The following ESRRB variants were observed in gnomAD, a reference collection of about 807,000 sequenced individuals.
ESRRB encodes steroid hormone receptor ERR2.
Under a neutral mutation model 46.0 loss-of-function variants are expected in ESRRB, and 16 were observed. The ratio of observed to expected loss-of-function variants is 0.35; its 90% CI spans 0.24 to 0.53. The LOEUF (loss-of-function observed/expected upper bound fraction) is 0.53. ESRRB is among the 20% of genes least tolerant of loss of function. The pLI is 0.93. For missense variants in ESRRB, 488 were observed against 607.4 expected, an observed-to-expected ratio of 0.80 and a Z score of 2.07; for synonymous variants, 246 against 259.6, an observed-to-expected ratio of 0.95 and a Z score of 0.50.
intron 1 of ESRRB, among the ~76,000 whole-genome samples, chr14:76,358,374 AG>A: frequency 1.2e-5 from 1 of 84,772 alleles, no homozygotes; most frequent in Non-Finnish European, 2.9e-5. Flanking sequence ...AAAGAAAGAA[AG>A]AAAGAAAGAA....
At chr14:76,352,406 C>G (rs1272152061) in intron 1 of ESRRB, among the ~76,000 whole-genome samples, 1 of 152,174 alleles carries the variant, frequency 6.6e-6, no homozygotes, top group African/African-American at 2.4e-5. Flanking sequence ...CAAGCGGGAA[C>G]GTATCTACTC....
chr14:76,399,095 T>C (rs1177470114), intron 1 of ESRRB, among the ~76,000 whole-genome samples: 2 of 152,136 alleles, frequency 1.3e-5, no homozygotes, highest in Non-Finnish European at 2.9e-5. Flanking sequence ...CTGCCTTTTT[T>C]GCAGATGGGT....
chr14:76,429,130 G>A (rs1452595502), intron 1 of ESRRB, among the ~76,000 whole-genome samples: 2 of 151,982 alleles, frequency 1.3e-5, no homozygotes, highest in African/African-American at 2.4e-5. Flanking sequence ...AGGGTATTGG[G>A]GGGCTGCTTT....
chr14:76,436,125 C>A (rs1010040189), intron 1 of ESRRB, among the ~76,000 whole-genome samples: 5 of 152,194 alleles, frequency 3.3e-5, no homozygotes, highest in Non-Finnish European at 7.3e-5. Flanking sequence ...TGCTTTGCAC[C>A]CTTCTGAATC....
chr14:76,394,388 G>A (rs952327125), intron 1 of ESRRB, among the ~76,000 whole-genome samples: 7 of 152,196 alleles, frequency 4.6e-5, no homozygotes, highest in African/African-American at 1.7e-4. Flanking sequence ...GCTGTGCAAA[G>A]TGCATCTTGT....
At chr14:76,388,116 C>G (rs1185086105) in intron 1 of ESRRB, among the ~76,000 whole-genome samples, 1 of 151,818 alleles carries the variant, frequency 6.6e-6, no homozygotes, top group East Asian at 1.9e-4. Context: ...TGTGCCTGCA[C>G]TCCTCACCCC....
rs1045913295 is a variant in ESRRB, at chr14:76,317,710, G to A, written c.2+6794G>A. 3.3e-5 allele frequency among the ~76,000 whole-genome samples: 5 copies of A among 152,192 alleles called. No individual in the cohort carries two copies. The East Asian group carries it at 5.8e-4, about 18-fold the overall frequency. The stretch of plus-strand genomic sequence containing the variant: ...CTGTGGAAGGAGGCGGGTACCAGGC[G>A]GTCCAGCCCAGTTCCAACCTCAGGA... On this transcript the variant is annotated intron_variant, in intron 1 of 6. Coordinates refer to the ESRRB transcript ENST00000512784.
chr14:76,333,996 G>A (rs1160460315), intron 1 of ESRRB, among the ~76,000 whole-genome samples: 2 of 152,154 alleles, frequency 1.3e-5, no homozygotes, highest in East Asian at 1.9e-4. Context: ...GTAAAATGGG[G>A]CAGGAATAGA....
intron 1 of ESRRB, among the ~76,000 whole-genome samples, chr14:76,419,723 G>A (rs527610907): frequency 1.3e-5 from 2 of 152,288 alleles, no homozygotes; most frequent in African/African-American, 4.8e-5. Context: ...CATGAGTTAT[G>A]GTAGTAAAAT....
At chr14:76,326,961 C>G (rs112224656) in intron 1 of ESRRB, among the ~76,000 whole-genome samples, 116 of 152,394 alleles carry the variant, frequency 7.6e-4, no homozygotes, top group African/African-American at 2.7e-3. Context: ...GCCTCGGGAC[C>G]CCATGCCCAG....
chr14:76,323,181 A>G (rs1001252561), intron 1 of ESRRB, among the ~76,000 whole-genome samples: 6 of 152,070 alleles, frequency 3.9e-5, no homozygotes, highest in African/African-American at 1.4e-4. Context: ...AGATCACCGA[A>G]GTTAGATGAC....
At chr14:76,472,116 C>CA (rs1889396180) in intron 3 of ESRRB, among the ~76,000 whole-genome samples, 1 of 152,196 alleles carries the variant, frequency 6.6e-6, no homozygotes. Context: ...CTATTCGAAC[C>CA]TCACGGTTGA....
At chr14:76,448,773 G>A (rs1420950661) in intron 2 of ESRRB, among the ~76,000 whole-genome samples, 2 of 150,052 alleles carry the variant, frequency 1.3e-5, no homozygotes, top group Non-Finnish European at 2.9e-5. Context: ...AACTGAAGAA[G>A]TTGGGCCAGT....
At chr14:76,380,359 G>A (rs757370392) in intron 1 of ESRRB, among the ~76,000 whole-genome samples, 1 of 152,172 alleles carries the variant, frequency 6.6e-6, no homozygotes, top group Non-Finnish European at 1.5e-5. Flanking sequence ...TTCGAAGACA[G>A]TAGACAAGCA....
chr14:76,318,805 C>T (rs1394757006), intron 1 of ESRRB, among the ~76,000 whole-genome samples: 1 of 152,182 alleles, frequency 6.6e-6, no homozygotes, highest in Non-Finnish European at 1.5e-5. Context: ...AAAGAGGAAA[C>T]TTTCAAAGTT....
chr14:76,440,108 A>C (rs904057203), intron 2 of ESRRB, among the ~76,000 whole-genome samples: 1 of 152,042 alleles, frequency 6.6e-6, no homozygotes, highest in Admixed American at 6.6e-5. Flanking sequence ...GAAAAATATA[A>C]TTTGCCCTGC....
At chr14:76,353,027 C>G (rs12436604) in intron 1 of ESRRB, among the ~76,000 whole-genome samples, 15,043 of 152,314 alleles carry the variant, frequency 0.099, 1,075 homozygotes, top group East Asian at 0.24. Context: ...AGGCACGTCC[C>G]GTGGCCACGG....
chr14:76,482,491 C>A lies in ESRRB; in HGVS notation c.689-107C>A. ...GGGAGATTATAGCCGCTTTGACCTT[C>A]CTGGAGCTCTTAGGAACCCAACTTT... On this transcript the variant is annotated intron_variant, in intron 4 of 6. Coordinates refer to ENST00000644823, the MANE Select transcript of ESRRB (RefSeq NM_001379180.1). This position sits in a 1 kb window ranked among gnomAD's most constrained non-coding sequence, Gnocchi z 4.3. The A allele has an allele frequency of 8.6e-7, 1 of 1,156,166 alleles. No individual in the cohort carries two copies. Among genetic ancestry groups the A allele is most frequent in the Non-Finnish European group, 1.3e-6 (1 of 778,886 alleles). 71.6% of individuals were successfully genotyped at this position (1,156,166 alleles called of 1,614,324 possible). A position where few individuals can be genotyped will look rare whatever the true frequency, so the allele number is the denominator to read the frequency against.
intron 1 of ESRRB, among the ~76,000 whole-genome samples, chr14:76,414,248 T>C (rs1886595512): frequency 8.4e-6 from 1 of 119,504 alleles, no homozygotes; most frequent in African/African-American, 3.4e-5. Context: ...AAAACCCTGG[T>C]GTTAGACCAC....
Sources: allele counts gnomAD v4.1 joint callset (sites outside exome capture counted in the v4.1 genomes callset), GRCh38; gene constraint gnomAD v4.1.1; non-coding constraint Gnocchi (gnomAD v3.1); transcripts MANE v1.5; gene names NCBI Gene and HGNC (gene_info 2026-07-23, HGNC 2026-07-21).